USP37: variants seen among roughly 807,000 people sequenced by gnomAD.
USP37 encodes the protein ubiquitin carboxyl-terminal hydrolase 37.
USP37 carries 27 observed loss-of-function variants against 124.0 expected under a neutral mutation model. The ratio of observed to expected loss-of-function variants is 0.22; its 90% CI spans 0.16 to 0.30. The LOEUF is 0.30. USP37 is among the 10% of genes least tolerant of loss of function. USP37 has a pLI of 1.00. For missense variants in USP37, 889 were observed against 1,140.4 expected (o/e 0.78, Z 3.17); for synonymous variants, 365 against 388.0 (o/e 0.94, Z 0.70).
chr2:218,557,151 G>A (rs1324331139), intron 4 of USP37, among the ~76,000 whole-genome samples: 1 of 152,200 alleles, frequency 6.6e-6, no homozygotes, highest in Non-Finnish European at 1.5e-5. Flanking sequence ...TTACAGGCAT[G>A]AGCCACTGCG....
At chr2:218,516,974 G>C (rs954641982) in intron 10 of USP37, among the ~76,000 whole-genome samples, 2 of 152,074 alleles carry the variant, frequency 1.3e-5, no homozygotes, top group Non-Finnish European at 2.9e-5. Context: ...TTCTTTCTCT[G>C]ACATTGCAAG....
intron 20 of USP37, among the ~76,000 whole-genome samples, chr2:218,472,470 T>C (rs902865917): frequency 1.2e-4 from 18 of 148,658 alleles, no homozygotes; most frequent in Non-Finnish European, 2.4e-4. Context: ...CTCTCTCTCT[T>C]TTTTTTTTTT....
chr2:218,479,920 C>T (rs951618519), intron 17 of USP37, among the ~76,000 whole-genome samples: 5 of 151,956 alleles, frequency 3.3e-5, no homozygotes, highest in African/African-American at 9.7e-5. Flanking sequence ...GCTAAGTGGG[C>T]GAATCACCTG....
chr2:218,537,463 A>G (rs535945756), intron 8 of USP37, among the ~76,000 whole-genome samples: 1 of 152,358 alleles, frequency 6.6e-6, no homozygotes, highest in South Asian at 2.1e-4. Flanking sequence ...GTCAAACTCT[A>G]GCCAAACCAT....
chr2:218,491,593 A>C (rs1691948288), intron 14 of USP37, among the ~76,000 whole-genome samples: 1 of 152,212 alleles, frequency 6.6e-6, no homozygotes, highest in Non-Finnish European at 1.5e-5. Flanking sequence ...GCAATTTCTT[A>C]CACAGCACTG....
rs1693370572 is a variant in USP37 at position 218,562,679 on chromosome 2, G to A, written c.-95C>T. The stretch of plus-strand genomic sequence containing the variant: ...AAACAAAAACATTACTTACTTTTCA[G>A]TGACTTTTACCGAAAAACCCTATGT... On this transcript the variant is annotated 5_prime_UTR_variant, in exon 2 of 26. Transcript: ENST00000258399. The A allele has an allele frequency of 2.5e-6, 1 of 398,366 alleles. No individual in the cohort carries two copies. The highest frequency in any genetic ancestry group is 4.4e-5 in the Admixed American group (1 of 22,714). 24.7% of individuals were successfully genotyped at this position (398,366 alleles called of 1,614,324 possible).
In USP37 at chr2:218,522,271, T is replaced by C. The variant is rs749789637; in HGVS notation, c.863+7685A>G. On this transcript the variant is annotated intron_variant, in intron 10 of 25. Transcript: ENST00000258399. ...TTCTTATAAGCTTACTTATAAGAAATAGAATTTAAGGCTGAGCACACTGGC... is the reference window on the plus strand; with the variant it reads ...TTCTTATAAGCTTACTTATAAGAAACAGAATTTAAGGCTGAGCACACTGGC... Among the ~76,000 whole-genome samples, 169 of 152,090 alleles carry C rather than the reference T, an allele frequency of 1.1e-3. 1 individual carries two copies. The highest frequency in any genetic ancestry group is 1.6e-3 in the Non-Finnish European group (110 of 67,966).
In USP37 at chr2:218,454,836, A is replaced by C. The variant is rs2106401648; in HGVS notation, c.*94T>G. 6.4e-7 allele frequency: 1 copy of C among 1,554,622 alleles called. No homozygotes were observed. The highest frequency in any genetic ancestry group is 1.4e-5 in the African/African-American group (1 of 72,576). On this transcript the variant is annotated 3_prime_UTR_variant, in exon 26 of 26. Coordinates refer to ENST00000258399, the MANE Select transcript of USP37 (RefSeq NM_020935.3). ...TGAGCTGTTTGTTGCTCCCGCATCAAGTAGAATTCCAAATTCTCCTTCAGC... is the reference window on the plus strand; with the variant it reads ...TGAGCTGTTTGTTGCTCCCGCATCACGTAGAATTCCAAATTCTCCTTCAGC...
At chr2:218,481,944 G>T in intron 17 of USP37, 126 bp downstream of exon 17, 1 of 1,131,740 alleles carries the variant, frequency 8.8e-7, no homozygotes, top group Non-Finnish European at 1.2e-6. Context: ...ATGAGCCACT[G>T]CATCTGGCCA....
chr2:218,557,419 T>C (rs1574964524), intron 4 of USP37, among the ~76,000 whole-genome samples: 2 of 152,144 alleles, frequency 1.3e-5, no homozygotes, highest in South Asian at 2.1e-4. Flanking sequence ...AGCAGATATA[T>C]GCATGTGACA....
At chr2:218,457,262 T>A in intron 23 of USP37, 101 bp from the exon 24 acceptor site, 1 of 1,142,688 alleles carries the variant, frequency 8.8e-7, no homozygotes, top group Non-Finnish European at 1.3e-6. Flanking sequence ...TAAGCTTTGG[T>A]ATGTGGCATA....
At chr2:218,540,566 C>T (rs1158372106) in intron 8 of USP37, among the ~76,000 whole-genome samples, 2 of 152,134 alleles carry the variant, frequency 1.3e-5, no homozygotes, top group Non-Finnish European at 2.9e-5. Flanking sequence ...TGCTTAAGCC[C>T]AGGAGTTGGA....
rs1231101026 is a variant in USP37 at position 218,451,775 on chromosome 2, C to T, written c.*3155G>A. On this transcript the variant is annotated 3_prime_UTR_variant, in exon 26 of 26. Transcript: ENST00000258399. ...TTAATTAACTGATCTGTAAGAACCA[C>T]TGCATATGTCTTAAAATGTAAACAT... 1 of 152,588 alleles carries T rather than the reference C, an allele frequency of 6.6e-6. No individual in the cohort carries two copies. The highest frequency in any genetic ancestry group is 1.9e-4 in the East Asian group (1 of 5,198). The allele number at this position is 152,588 out of a possible 1,614,324, so 9.5% of individuals were successfully genotyped here.
intron 13 of USP37, among the ~76,000 whole-genome samples, chr2:218,496,522 A>G (rs1432801225): frequency 6.6e-6 from 1 of 152,228 alleles, no homozygotes; most frequent in African/African-American, 2.4e-5. Flanking sequence ...GAATCAATGA[A>G]TAACTCCTCA....
At chr2:218,490,456 G>A (rs754472721) in intron 14 of USP37, among the ~76,000 whole-genome samples, 8 of 152,206 alleles carry the variant, frequency 5.3e-5, no homozygotes, top group Non-Finnish European at 1.2e-4. Flanking sequence ...CGTGAGCTCA[G>A]AGATTAAAAC....
chr2:218,520,435 C>T (rs2106013443), intron 10 of USP37, among the ~76,000 whole-genome samples: 1 of 151,372 alleles, frequency 6.6e-6, no homozygotes, highest in South Asian at 2.1e-4. Flanking sequence ...CTGCAACCTC[C>T]ACCTCCCAGG....
chr2:218,456,892 C>G (rs937795425), intron 24 of USP37, among the ~76,000 whole-genome samples, 200 bp downstream of exon 24: 1 of 151,908 alleles, frequency 6.6e-6, no homozygotes, highest in Non-Finnish European at 1.5e-5. Context: ...ATCACTTGGA[C>G]CCAGGAGGTG....
intron 20 of USP37, among the ~76,000 whole-genome samples, chr2:218,467,634 ACCGTGCCTGG>A (rs1302209829): frequency 6.6e-6 from 1 of 151,994 alleles, no homozygotes; most frequent in African/African-American, 2.4e-5. Context: ...GGCGTGAGCC[ACCGTGCCTGG>A]CCTAATTTTT....
chr2:218,489,193 A>G (rs919470322), intron 14 of USP37, among the ~76,000 whole-genome samples: 6 of 150,040 alleles, frequency 4.0e-5, no homozygotes, highest in African/African-American at 1.5e-4. Flanking sequence ...CCTTGTCTCT[A>G]CAAAAAATAC....
Sources: gnomAD v4.1 joint callset for allele counts (sites outside exome capture counted in the v4.1 genomes callset) on GRCh38, gnomAD v4.1.1 for gene constraint, MANE v1.5 for transcripts, NCBI Gene and HGNC (gene_info 2026-07-23, HGNC 2026-07-21) for gene names.